The following SCMH1 variants were observed in gnomAD, a reference collection of about 807,000 sequenced individuals.
SCMH1 encodes Scm polycomb group protein homolog 1.
Under a neutral mutation model 70.8 loss-of-function variants are expected in SCMH1, and 37 were observed. The observed-to-expected ratio is 0.52, with a 90% CI of 0.40 to 0.69. SCMH1 has a LOEUF of 0.69. SCMH1 is among the 30% of genes least tolerant of loss of function. SCMH1 has a pLI of 0.00. For missense variants in SCMH1, 607 were observed against 827.3 expected, an observed-to-expected ratio of 0.73 and a Z score of 3.27; for synonymous variants, 292 against 307.4, an observed-to-expected ratio of 0.95 and a Z score of 0.52.
At chr1:41,105,592 T>C (rs1015443966) in intron 8 of SCMH1, among the ~76,000 whole-genome samples, 1 of 152,230 alleles carries the variant, frequency 6.6e-6, no homozygotes, top group Non-Finnish European at 1.5e-5. Flanking sequence ...TTATTTTACA[T>C]GGTACAGGGC....
chr1:41,176,264 G>T (rs75764666), intron 2 of SCMH1, among the ~76,000 whole-genome samples: 1 of 151,316 alleles, frequency 6.6e-6, no homozygotes, highest in Non-Finnish European at 1.5e-5. Context: ...AACAAAATCC[G>T]GGGGGTGGCA....
intron 12 of SCMH1, chr1:41,043,597 T>A (rs1646516036): frequency 6.6e-6 from 1 of 150,776 alleles, no homozygotes; most frequent in Admixed American, 6.6e-5. Context: ...TAATTTTTTT[T>A]TTTTTTTTTG....
intron 1 of SCMH1, among the ~76,000 whole-genome samples, chr1:41,192,478 G>C (rs1005683673): frequency 6.7e-5 from 9 of 134,504 alleles, no homozygotes; most frequent in Non-Finnish European, 1.3e-4. Flanking sequence ...TTTAGTTGTT[G>C]AGAGGATTAA....
intron 6 of SCMH1, among the ~76,000 whole-genome samples, chr1:41,123,783 C>A (rs1672512060): frequency 6.6e-6 from 1 of 152,194 alleles, no homozygotes; most frequent in Non-Finnish European, 1.5e-5. Flanking sequence ...CCTTGGAGGA[C>A]TCCACTGCAA....
At chr1:41,073,750 GA>G (rs980926660) in intron 9 of SCMH1, among the ~76,000 whole-genome samples, 6 of 150,226 alleles carry the variant, frequency 4.0e-5, no homozygotes, top group African/African-American at 1.2e-4. Context: ...TACCACAGGA[GA>G]AAAAAAAAGA....
intron 1 of SCMH1, among the ~76,000 whole-genome samples, chr1:41,196,678 C>A (rs1412282046): frequency 6.6e-6 from 1 of 152,022 alleles, no homozygotes; most frequent in African/African-American, 2.4e-5. Flanking sequence ...ACACAGGCAA[C>A]AAAACAGAAA....
intron 7 of SCMH1, among the ~76,000 whole-genome samples, chr1:41,115,028 C>G (rs769657375): frequency 6.6e-6 from 1 of 152,126 alleles, no homozygotes; most frequent in Non-Finnish European, 1.5e-5. Context: ...AAAATTTCCT[C>G]TATAAATATC....
At chr1:41,037,210 G>A in intron 13 of SCMH1, 152 bp downstream of exon 13, 1 of 730,556 alleles carries the variant, frequency 1.4e-6, no homozygotes, top group South Asian at 2.2e-5. Context: ...CCTCCCAGGT[G>A]CAAGGCCAGG....
intron 1 of SCMH1, among the ~76,000 whole-genome samples, chr1:41,197,725 A>C (rs1557798779): frequency 2.0e-5 from 3 of 152,140 alleles, no homozygotes; most frequent in Admixed American, 2.0e-4. Context: ...GTGGATGTGC[A>C]TCAGTGTTTG....
intron 1 of SCMH1, among the ~76,000 whole-genome samples, chr1:41,190,482 T>A (rs1264558275): frequency 6.6e-6 from 1 of 152,214 alleles, no homozygotes; most frequent in Non-Finnish European, 1.5e-5. Flanking sequence ...GGCATGAATT[T>A]GCCATCACTA....
intron 1 of SCMH1, among the ~76,000 whole-genome samples, chr1:41,233,383 A>C (rs914811841): frequency 2.0e-5 from 3 of 152,176 alleles, no homozygotes; most frequent in African/African-American, 7.2e-5. Context: ...CTTTATCAAA[A>C]CCAGAAAGTA....
chr1:41,092,453 A>G (rs909210555), intron 8 of SCMH1, among the ~76,000 whole-genome samples: 1 of 152,254 alleles, frequency 6.6e-6, no homozygotes, highest in East Asian at 1.9e-4. Context: ...CATTCAGGAC[A>G]TAGGCATGGG....
Position 41,223,086 on chromosome 1 carries a change from C to T in SCMH1, c.-118+18973G>A, listed in dbSNP as rs1452887087. Among the ~76,000 whole-genome samples, 5 of 151,852 alleles carry T rather than the reference C, an allele frequency of 3.3e-5. No individual in the cohort carries two copies. The East Asian group carries it at 9.6e-4, about 29-fold the overall frequency. ...ATTTTCTGAGAATTAGTCCTAAATC[C>T]CTGTCGGATAAAATTGTGGGAGGTT... is the stretch of plus-strand genomic sequence containing the variant. On this transcript the variant is annotated intron_variant, in intron 1 of 14. Coordinates refer to ENST00000337495, the Ensembl canonical transcript of SCMH1.
At chr1:41,200,698 A>G (rs1035478321) in intron 1 of SCMH1, among the ~76,000 whole-genome samples, 2 of 152,014 alleles carry the variant, frequency 1.3e-5, no homozygotes, top group Admixed American at 1.3e-4. Flanking sequence ...AACTAAAATA[A>G]TTTTTAAAAA....
intron 1 of SCMH1, among the ~76,000 whole-genome samples, chr1:41,241,511 C>A (rs946100318): frequency 1.3e-5 from 2 of 151,510 alleles, no homozygotes; most frequent in Non-Finnish European, 2.9e-5. Flanking sequence ...GTGGGGGCCA[C>A]GCCGCCCCGT....
intron 1 of SCMH1, among the ~76,000 whole-genome samples, chr1:41,222,648 TA>T (rs993078426): frequency 5.9e-5 from 9 of 152,138 alleles, no homozygotes; most frequent in Non-Finnish European, 1.3e-4. Context: ...CCTGGCACCC[TA>T]AAGCCTTTTT....
At chr1:41,224,162 T>C (rs1281948074) in intron 1 of SCMH1, among the ~76,000 whole-genome samples, 2 of 152,200 alleles carry the variant, frequency 1.3e-5, no homozygotes, top group East Asian at 3.9e-4. Context: ...CTAATTTGCA[T>C]AGAATAGAAG....
intron 1 of SCMH1, among the ~76,000 whole-genome samples, chr1:41,201,172 C>G (rs186979136): frequency 2.6e-5 from 4 of 152,328 alleles, no homozygotes; most frequent in Non-Finnish European, 4.4e-5. Flanking sequence ...ATAAACCATT[C>G]TGTAAATCCT....
At chr1:41,222,824 A>C (rs751191364) in intron 1 of SCMH1, among the ~76,000 whole-genome samples, 4 of 152,210 alleles carry the variant, frequency 2.6e-5, no homozygotes, top group Non-Finnish European at 5.9e-5. Flanking sequence ...TGTATGATGC[A>C]GTCATTTTTC....
Sources: gnomAD v4.1 joint callset for allele counts (sites outside exome capture counted in the v4.1 genomes callset) on GRCh38, gnomAD v4.1.1 for gene constraint, MANE v1.5 for transcripts, NCBI Gene and HGNC (gene_info 2026-07-23, HGNC 2026-07-21) for gene names.